Variants in FAM222B observed in about 807,000 individuals in gnomAD.
The protein encoded by FAM222B is family with sequence similarity 222 member B.
Under a neutral mutation model 38.0 loss-of-function variants are expected in FAM222B, and 12 were observed. The ratio of observed to expected loss-of-function variants is 0.32; its 90% CI spans 0.20 to 0.51. FAM222B has a LOEUF of 0.51. Ranked by LOEUF, FAM222B falls within the 20% of genes least tolerant of loss-of-function variation. The pLI, the probability that FAM222B is intolerant of heterozygous loss-of-function variation, is 0.97. For missense variants in FAM222B, 716 were observed against 754.2 expected (o/e 0.95, Z 0.59); for synonymous variants, 329 against 317.2 (o/e 1.04, Z -0.40).
intron 1 of FAM222B, among the ~76,000 whole-genome samples, chr17:28,789,789 G>A (rs1183682327): frequency 2.0e-5 from 3 of 152,180 alleles, no homozygotes; most frequent in Non-Finnish European, 2.9e-5. Flanking sequence ...TTATTGTGCA[G>A]GAAAGGAAGT....
At chr17:28,828,844 G>T (rs1352608791) in intron 1 of FAM222B, among the ~76,000 whole-genome samples, 1 of 151,314 alleles carries the variant, frequency 6.6e-6, no homozygotes, top group Non-Finnish European at 1.5e-5. Context: ...TCAAAATACG[G>T]AACAGTCATG....
chr17:28,760,396 G>A (rs1334784509), intron 2 of FAM222B, among the ~76,000 whole-genome samples: 2 of 151,972 alleles, frequency 1.3e-5, no homozygotes, highest in African/African-American at 2.4e-5. Context: ...GCAACATGGC[G>A]AAACCCCGTC....
At position 28,759,393 on chromosome 17, in the gene FAM222B, C is replaced by A. The variant is rs1425005730; in HGVS notation, c.566G>T (p.Ser189Ile). 2 of 1,603,148 alleles carry A rather than the reference C, an allele frequency of 1.2e-6. No individual in the cohort carries two copies. Among genetic ancestry groups the A allele is most frequent in the Admixed American group, 1.7e-5 (1 of 58,664 alleles). Residue 189 changes from serine (S) to isoleucine (I), a missense_variant, in exon 3 of 3, where the codon AGC becomes ATC. Transcript: ENST00000581407. The surrounding 1 kb of genome is among the most constrained non-coding windows in gnomAD (Gnocchi z 4.8). ...PPPQALSHPQ[S>I]LQQPQGLGHP... ...GCCCAGGCCCTGAGGCTGCTGGAGG[C>A]TCTGAGGGTGGGACAGTGCCTGGGG...
At chr17:28,801,620 ATTG>A (rs1386355047) in intron 1 of FAM222B, among the ~76,000 whole-genome samples, 1 of 151,866 alleles carries the variant, frequency 6.6e-6, no homozygotes, top group Non-Finnish European at 1.5e-5. Flanking sequence ...TATTATTATT[ATTG>A]TTGTTCTTCT....
chr17:28,808,017 T>C (rs1428410178), intron 1 of FAM222B, among the ~76,000 whole-genome samples: 1 of 152,234 alleles, frequency 6.6e-6, no homozygotes, highest in African/African-American at 2.4e-5. Context: ...CTTTCCCTTT[T>C]ACTGCCAGAC....
intron 1 of FAM222B, among the ~76,000 whole-genome samples, chr17:28,807,882 T>C (rs576101662): frequency 6.6e-6 from 1 of 152,336 alleles, no homozygotes; most frequent in South Asian, 2.1e-4. Context: ...AAATGTCTGG[T>C]TTAAAACAAA....
intron 1 of FAM222B, among the ~76,000 whole-genome samples, chr17:28,830,990 C>CTTTTTTTTTT (rs56073818): frequency 8.5e-6 from 1 of 117,810 alleles, no homozygotes; most frequent in Non-Finnish European, 1.8e-5. Context: ...GTGAATGTTT[C>CTTTTTTTTTT]TTTTTTTTTT....
At chr17:28,769,171 GTTC>G (rs1298784527) in intron 1 of FAM222B, among the ~76,000 whole-genome samples, 1 of 102,168 alleles carries the variant, frequency 9.8e-6, no homozygotes, top group African/African-American at 3.1e-5. Flanking sequence ...AGCAATGTTA[GTTC>G]TTTTTTTTTT....
chr17:28,844,590 G>C (rs1427333026), upstream of FAM222B, among the ~76,000 whole-genome samples: 2 of 152,222 alleles, frequency 1.3e-5, no homozygotes, highest in Non-Finnish European at 2.9e-5. Flanking sequence ...CCCGGGAGGC[G>C]GAGCTTGCAG....
intron 1 of FAM222B, among the ~76,000 whole-genome samples, chr17:28,776,089 G>GA (rs766264796): frequency 9.4e-4 from 103 of 109,454 alleles, no homozygotes; most frequent in South Asian, 5.6e-3. Flanking sequence ...AAAAAAAAAA[G>GA]AAAAAAAAAA....
intron 1 of FAM222B, among the ~76,000 whole-genome samples, chr17:28,779,505 A>C (rs2036064912): frequency 6.6e-6 from 1 of 152,058 alleles, no homozygotes; most frequent in Non-Finnish European, 1.5e-5. Flanking sequence ...TAATCCCAGC[A>C]CTTTGGGAGG....
intron 1 of FAM222B, among the ~76,000 whole-genome samples, chr17:28,778,697 G>GTGTATATATATA (rs1474883701): frequency 2.2e-5 from 1 of 45,340 alleles, no homozygotes; most frequent in Non-Finnish European, 3.5e-5. Flanking sequence ...GTGTGTGTGT[G>GTGTATATATATA]TATATATATA....
Position 28,758,368 on chromosome 17 carries a change from G to A in FAM222B, c.1591C>T (p.Leu531=). The change falls in exon 3 of 3, where the codon CTG becomes TTG. Residue 531 remains leucine, a synonymous_variant. Coordinates refer to ENST00000581407, the MANE Select transcript of FAM222B (RefSeq NM_001077498.3). ...FQQACFREQS[L]AMLSKAHRAP... Reference sequence around the variant, plus strand: ...CGGTGGGCCTTGCTCAGCATGGCCAGGCTCTGTTCTCGGAAGCAGGCCTGT... The same window carrying A: ...CGGTGGGCCTTGCTCAGCATGGCCAAGCTCTGTTCTCGGAAGCAGGCCTGT... The A allele has an allele frequency of 6.2e-7, 1 of 1,613,900 alleles. No homozygotes were observed. Among genetic ancestry groups the A allele is most frequent in the South Asian group, 1.1e-5 (1 of 91,080 alleles).
chr17:28,841,026 G>C (rs1008437687), intron 1 of FAM222B, among the ~76,000 whole-genome samples: 7 of 152,118 alleles, frequency 4.6e-5, no homozygotes, highest in Admixed American at 2.6e-4. Context: ...CAGGCACGGT[G>C]GCTCACGCCT....
intron 1 of FAM222B, among the ~76,000 whole-genome samples, chr17:28,791,611 T>C (rs542150848): frequency 2.7e-4 from 41 of 150,140 alleles, no homozygotes; most frequent in African/African-American, 1.0e-3. Context: ...CCAGGTGCAG[T>C]GGCTCATGAC....
At chr17:28,769,030 G>GAGTCTCTCAATTA (rs2035480698) in intron 1 of FAM222B, among the ~76,000 whole-genome samples, 1 of 151,928 alleles carries the variant, frequency 6.6e-6, no homozygotes, top group Non-Finnish European at 1.5e-5. Context: ...TTTCTTAATT[G>GAGTCTCTCAATTA]AGTCTCTCAA....
intron 1 of FAM222B, among the ~76,000 whole-genome samples, chr17:28,811,827 G>A (rs1178615428): frequency 6.6e-6 from 1 of 152,170 alleles, no homozygotes; most frequent in Non-Finnish European, 1.5e-5. Context: ...GCAGTCCCAA[G>A]GAGGAAAATG....
intron 2 of FAM222B, among the ~76,000 whole-genome samples, chr17:28,760,263 A>C (rs1392282947): frequency 6.6e-6 from 1 of 152,130 alleles, no homozygotes; most frequent in Non-Finnish European, 1.5e-5. Context: ...GGTAACCGAG[A>C]GTTCTCCCCC....
chr17:28,815,935 C>T lies in FAM222B; in HGVS notation c.-41+26747G>A, dbSNP rs557421141. On this transcript the variant is annotated intron_variant, in intron 1 of 2. Coordinates refer to ENST00000581407, the MANE Select transcript of FAM222B (RefSeq NM_001077498.3). ...TGAGCTGAGATCGTGCCACTGCACT[C>T]CAGCCTGGGCAACAGAGCGAGACTC... Among the ~76,000 whole-genome samples, 37 of 151,366 alleles carry T rather than the reference C, an allele frequency of 2.4e-4. No homozygotes were observed. The East Asian group carries it at 6.4e-3, about 26-fold the overall frequency.
Sources: gnomAD v4.1 joint callset for allele counts (sites outside exome capture counted in the v4.1 genomes callset) on GRCh38, gnomAD v4.1.1 for gene constraint, Gnocchi (gnomAD v3.1) non-coding constraint, MANE v1.5 for transcripts, NCBI Gene and HGNC (gene_info 2026-07-23, HGNC 2026-07-21) for gene names.